Variants in CDKN2B observed in about 807,000 individuals in gnomAD.
CDKN2B encodes the protein cyclin-dependent kinase 4 inhibitor B.
A neutral mutation model predicts 7.7 loss-of-function variants in CDKN2B; 8 were observed. The ratio of observed to expected loss-of-function variants is 1.04; its 90% CI spans 0.61 to 1.87. The LOEUF is 1.87. CDKN2B is among the 40% of genes most tolerant of loss of function. CDKN2B has a pLI of 0.00. For missense variants in CDKN2B, 244 were observed against 213.1 expected, an observed-to-expected ratio of 1.15 and a Z score of -0.90; for synonymous variants, 93 against 95.8, an observed-to-expected ratio of 0.97 and a Z score of 0.17.
intron 1 of CDKN2B, among the ~76,000 whole-genome samples, chr9:22,007,294 G>C (rs1244368715): frequency 6.6e-6 from 1 of 152,168 alleles, no homozygotes; most frequent in African/African-American, 2.4e-5. Context: ...TCCTGGAAGA[G>C]GTTGCAGTGA....
In CDKN2B at chr9:22,009,045, C is replaced by T; in HGVS notation, c.-92G>A. On this transcript the variant is annotated 5_prime_UTR_variant, in exon 1 of 2. Coordinates refer to ENST00000276925, the MANE Select transcript of CDKN2B (RefSeq NM_004936.4). Reference sequence around the variant, plus strand: ...TCCCTTCTTTCCCACGCTGCTCCGGCGCACTCTCTCCTTCCTAGGAGACCT... The same window carrying T: ...TCCCTTCTTTCCCACGCTGCTCCGGTGCACTCTCTCCTTCCTAGGAGACCT... 1.3e-6 allele frequency: 2 copies of T among 1,573,474 alleles called. No homozygotes were observed. The highest frequency in any genetic ancestry group is 1.7e-6 in the Non-Finnish European group (2 of 1,145,820).
rs1476065439 is a variant in CDKN2B at position 22,003,153 on chromosome 9, A to G, written c.*2834T>C. On this transcript the variant is annotated 3_prime_UTR_variant, in exon 2 of 2. Coordinates refer to ENST00000276925, the MANE Select transcript of CDKN2B (RefSeq NM_004936.4). ...GTATATATTAGGCTGCTGATGAAAC[A>G]GCTAAACCTGTCTGCCAGGTGGCTT... The G allele has an allele frequency of 1.4e-5, 3 of 217,476 alleles. No homozygotes were observed. Among genetic ancestry groups the G allele is most frequent in the Admixed American group, 5.8e-5 (1 of 17,254 alleles). The allele number at this position is 217,476 out of a possible 1,614,324, so 13.5% of individuals were successfully genotyped here.
chr9:22,004,322 C>T lies in CDKN2B; in HGVS notation c.*1665G>A, dbSNP rs1043819345. 1 of 232,026 alleles carries T rather than the reference C, an allele frequency of 4.3e-6. No individual in the cohort carries two copies. The highest frequency in any genetic ancestry group is 8.5e-6 in the Non-Finnish European group (1 of 117,442). 14.4% of individuals were successfully genotyped at this position (232,026 alleles called of 1,614,324 possible). A position where few individuals can be genotyped will look rare whatever the true frequency, so the allele number is the denominator to read the frequency against. On this transcript the variant is annotated 3_prime_UTR_variant, in exon 2 of 2. Coordinates refer to ENST00000276925, the MANE Select transcript of CDKN2B (RefSeq NM_004936.4). ...ACTCTCAAATGACTTGTTTCTGTTCCTTTTTTCTCTTTTAAATGTGTATCT... is the reference window on the plus strand; with the variant it reads ...ACTCTCAAATGACTTGTTTCTGTTCTTTTTTTCTCTTTTAAATGTGTATCT...
At position 22,008,813 on chromosome 9, in the gene CDKN2B, C is replaced by A; in HGVS notation, c.141G>T (p.Gly47=). ...GADPNGVNRF[G]RRAIQVMMMG... is the part of the protein sequence containing the mutation. ...CCCCAGCTACCTGGATCGCGCGCCTCCCGAAACGGTTGACTCCGTTGGGAT... is the reference window on the plus strand; with the variant it reads ...CCCCAGCTACCTGGATCGCGCGCCTACCGAAACGGTTGACTCCGTTGGGAT... The change falls in exon 1 of 2, where the codon GGG becomes GGT. Residue 47 remains glycine (G), a synonymous_variant. Transcript: ENST00000276925. 1 of 1,606,016 alleles carries A rather than the reference C, an allele frequency of 6.2e-7. No individual in the cohort carries two copies. The highest frequency in any genetic ancestry group is 8.5e-7 in the Non-Finnish European group (1 of 1,176,222).
At position 22,009,200 on chromosome 9, in the gene CDKN2B, T is replaced by TG; in HGVS notation, c.-248dup. On this transcript the variant is annotated 5_prime_UTR_variant, in exon 1 of 2. Transcript: ENST00000276925. ...CCAGCGGGCGCGCCTGGATTGCTTC[T>TG]GGGAAAAAGCGCCTAGCGCGGACGC... is the stretch of plus-strand genomic sequence containing the variant. The TG allele has an allele frequency of 1.6e-6, 1 of 616,972 alleles. No individual in the cohort carries two copies. Among genetic ancestry groups the TG allele is most frequent in the Non-Finnish European group, 2.9e-6 (1 of 350,566 alleles). 38.2% of individuals were successfully genotyped at this position (616,972 alleles called of 1,614,324 possible).
Position 22,006,263 on chromosome 9 carries a change from G to C in CDKN2B, c.157-16C>G. On this transcript the variant is annotated splice_polypyrimidine_tract_variant and intron_variant, in intron 1 of 1. Coordinates refer to ENST00000276925, the MANE Select transcript of CDKN2B (RefSeq NM_004936.4). This position sits in a 1 kb window ranked among gnomAD's most constrained non-coding sequence, Gnocchi z 6.4. ...TCATCATGACCTGCCAGAGAGAGCA[G>C]AGTGGTCAGAGCCAGGGTGGGGGCA... 1 of 1,602,054 alleles carries C rather than the reference G, an allele frequency of 6.2e-7. No individual in the cohort carries two copies. The highest frequency in any genetic ancestry group is 8.5e-7 in the Non-Finnish European group (1 of 1,179,862).
At position 22,005,955 on chromosome 9, in the gene CDKN2B, A is replaced by G. The variant is rs1374419816; in HGVS notation, c.*32T>C. ...GGGGTGGGAAATTGGGTAAGAAAATAAAGTCGTTGTGGGCGGCTGGGGAAC... is the reference window on the plus strand; with the variant it reads ...GGGGTGGGAAATTGGGTAAGAAAATGAAGTCGTTGTGGGCGGCTGGGGAAC... On this transcript the variant is annotated 3_prime_UTR_variant, in exon 2 of 2. Coordinates refer to ENST00000276925, the MANE Select transcript of CDKN2B (RefSeq NM_004936.4). The surrounding 1 kb of genome is among the most constrained non-coding windows in gnomAD (Gnocchi z 4.9). 1.9e-6 allele frequency: 3 copies of G among 1,598,216 alleles called. No homozygotes were observed. Among genetic ancestry groups the G allele is most frequent in the Admixed American group, 1.7e-5 (1 of 59,874 alleles).
rs2069426 is a variant in CDKN2B, at chr9:22,006,274, G to A, written c.157-27C>T. 6.2e-7 allele frequency: 1 copy of A among 1,600,652 alleles called. No individual in the cohort carries two copies. Among genetic ancestry groups the A allele is most frequent in the East Asian group, 2.2e-5 (1 of 44,876 alleles). ...TGCCAGAGAGAGCAGAGTGGTCAGA[G>A]CCAGGGTGGGGGCAGGTATGGGAGA... On this transcript the variant is annotated intron_variant, in intron 1 of 1. Coordinates refer to ENST00000276925, the MANE Select transcript of CDKN2B (RefSeq NM_004936.4). The surrounding 1 kb of genome is among the most constrained non-coding windows in gnomAD (Gnocchi z 6.4).
chr9:22,003,287 T>A lies in CDKN2B; in HGVS notation c.*2700A>T, dbSNP rs1821002901. On this transcript the variant is annotated 3_prime_UTR_variant, in exon 2 of 2. Transcript: ENST00000276925. ...GAGGTTTGCTTTAAATAAAAAAAACTAACAAAACAAACAAAAAAAACAGTG... is the reference window on the plus strand; with the variant it reads ...GAGGTTTGCTTTAAATAAAAAAAACAAACAAAACAAACAAAAAAAACAGTG... 1 of 204,590 alleles carries A rather than the reference T, an allele frequency of 4.9e-6. No individual in the cohort carries two copies. The highest frequency in any genetic ancestry group is 2.3e-5 in the African/African-American group (1 of 43,798). 12.7% of individuals were successfully genotyped at this position (204,590 alleles called of 1,614,324 possible).
chr9:22,008,923 C>T lies in CDKN2B; in HGVS notation c.31G>A (p.Gly11Arg). 1.2e-6 allele frequency: 2 copies of T among 1,612,980 alleles called. No homozygotes were observed. The highest frequency in any genetic ancestry group is 1.3e-5 in the African/African-American group (1 of 75,068). ...GCCAGACCCTCATCGCTGCCGCCCC[C>T]ACTGGGCATGCCCTTGTTCTCCTCG... MREENKGMPS[G>R]GGSDEGLASA... The change falls in exon 1 of 2, where the codon GGG becomes AGG. Residue 11 changes from glycine to arginine, a missense_variant. Physicochemically the swap from Gly to Arg is moderately radical, Grantham distance 125. Transcript: ENST00000276925.
At chr9:22,008,678 C>G in intron 1 of CDKN2B, 120 bp downstream of exon 1, 1 of 1,608,848 alleles carries the variant, frequency 6.2e-7, no homozygotes, top group South Asian at 1.1e-5. Flanking sequence ...TGCACACCTC[C>G]GGCCAACGGA....
intron 1 of CDKN2B, among the ~76,000 whole-genome samples, chr9:22,007,337 C>G (rs148289919): frequency 5.5e-4 from 83 of 149,864 alleles, no homozygotes; most frequent in Non-Finnish European, 1.1e-3. Flanking sequence ...CCAGCCTGTC[C>G]GACAGAGTGA....
In CDKN2B at chr9:22,003,168, C is replaced by G. The variant is rs1430996650; in HGVS notation, c.*2819G>C. The G allele has an allele frequency of 9.2e-6, 2 of 216,678 alleles. No individual in the cohort carries two copies. Among genetic ancestry groups the G allele is most frequent in the African/African-American group, 4.5e-5 (2 of 44,450 alleles). The allele number at this position is 216,678 out of a possible 1,614,324, so 13.4% of individuals were successfully genotyped here. On this transcript the variant is annotated 3_prime_UTR_variant, in exon 2 of 2. Transcript: ENST00000276925. ...CTGATGAAACAGCTAAACCTGTCTG[C>G]CAGGTGGCTTCGAAAATGGAATTAA...
In CDKN2B at chr9:22,003,309, A is replaced by C; in HGVS notation, c.*2678T>G. On this transcript the variant is annotated 3_prime_UTR_variant, in exon 2 of 2. Transcript: ENST00000276925. ...AACTAACAAAACAAACAAAAAAAACAGTGTAATATAGTACTGTGGGATCCA... is the reference window on the plus strand; with the variant it reads ...AACTAACAAAACAAACAAAAAAAACCGTGTAATATAGTACTGTGGGATCCA... The C allele has an allele frequency of 4.5e-6, 1 of 220,364 alleles. No individual in the cohort carries two copies. Among genetic ancestry groups the C allele is most frequent in the Non-Finnish European group, 9.1e-6 (1 of 110,370 alleles). The allele number at this position is 220,364 out of a possible 1,614,324, so 13.7% of individuals were successfully genotyped here.
Position 22,006,134 on chromosome 9 carries a change from C to G in CDKN2B, c.270G>C (p.Glu90Asp). The change falls in exon 2 of 2, where the codon GAG becomes GAC. Residue 90 changes from glutamate to aspartate, a missense_variant. Glu to Asp is a conservative substitution (Grantham distance 45). Coordinates refer to ENST00000276925, the MANE Select transcript of CDKN2B (RefSeq NM_004936.4). The surrounding 1 kb of genome is among the most constrained non-coding windows in gnomAD (Gnocchi z 6.4). ...LTRPVHDAAR[E>D]GFLDTLVVLH... ...GCACCACCAGCGTGTCCAGGAAGCC[C>G]TCCCGGGCAGCATCATGCACCGGTC... 1 of 1,611,524 alleles carries G rather than the reference C, an allele frequency of 6.2e-7. No individual in the cohort carries two copies. The highest frequency in any genetic ancestry group is 2.2e-5 in the East Asian group (1 of 44,870).
Position 22,004,933 on chromosome 9 carries a change from G to T in CDKN2B, c.*1054C>A, listed in dbSNP as rs1288188433. 20 of 233,174 alleles carry T rather than the reference G, an allele frequency of 8.6e-5. No individual in the cohort carries two copies. In the East Asian group the frequency reaches 1.2e-3, roughly 14 times the overall value. 14.4% of individuals were successfully genotyped at this position (233,174 alleles called of 1,614,324 possible). Reference sequence around the variant, plus strand: ...CAATCTAGGCGTTTGCACTGAGTTTGCAACAGTGCCATTGCTACATTTAAG... The same window carrying T: ...CAATCTAGGCGTTTGCACTGAGTTTTCAACAGTGCCATTGCTACATTTAAG... On this transcript the variant is annotated 3_prime_UTR_variant, in exon 2 of 2. Transcript: ENST00000276925.
In CDKN2B at chr9:22,005,982, T is replaced by C. The variant is rs764571136; in HGVS notation, c.*5A>G. On this transcript the variant is annotated 3_prime_UTR_variant, in exon 2 of 2. Coordinates refer to ENST00000276925, the MANE Select transcript of CDKN2B (RefSeq NM_004936.4). The surrounding 1 kb of genome is among the most constrained non-coding windows in gnomAD (Gnocchi z 4.9). Reference sequence around the variant, plus strand: ...AGTCGTTGTGGGCGGCTGGGGAACCTGGCGTCAGTCCCCCGTGGCTGTGCG... The same window carrying C: ...AGTCGTTGTGGGCGGCTGGGGAACCCGGCGTCAGTCCCCCGTGGCTGTGCG... 1 of 1,601,154 alleles carries C rather than the reference T, an allele frequency of 6.2e-7. No individual in the cohort carries two copies. The highest frequency in any genetic ancestry group is 1.3e-5 in the African/African-American group (1 of 74,912).
rs990475994 is a variant in CDKN2B, at chr9:22,004,015, A to G, written c.*1972T>C. Reference sequence around the variant, plus strand: ...ACTTCTTTGTGCATCCATGGAATGAATATCTTGTAACCTTTGGCAAGTTAC... The same window carrying G: ...ACTTCTTTGTGCATCCATGGAATGAGTATCTTGTAACCTTTGGCAAGTTAC... On this transcript the variant is annotated 3_prime_UTR_variant, in exon 2 of 2. Coordinates refer to ENST00000276925, the MANE Select transcript of CDKN2B (RefSeq NM_004936.4). 4 of 232,524 alleles carry G rather than the reference A, an allele frequency of 1.7e-5. No homozygotes were observed. The highest frequency in any genetic ancestry group is 1.7e-4 in the Admixed American group (3 of 17,774). 14.4% of individuals were successfully genotyped at this position (232,524 alleles called of 1,614,324 possible).
At position 22,006,322 on chromosome 9, in the gene CDKN2B, G is replaced by T; in HGVS notation, c.157-75C>A. On this transcript the variant is annotated intron_variant, in intron 1 of 1. Coordinates refer to ENST00000276925, the MANE Select transcript of CDKN2B (RefSeq NM_004936.4). The surrounding 1 kb of genome is among the most constrained non-coding windows in gnomAD (Gnocchi z 6.4). ...AGATGCCGGCCGGGGCAAGGCAGGTGGAGCCATTTAAAGAAACACCTAATT... is the reference window on the plus strand; with the variant it reads ...AGATGCCGGCCGGGGCAAGGCAGGTTGAGCCATTTAAAGAAACACCTAATT... 3 of 1,584,760 alleles carry T rather than the reference G, an allele frequency of 1.9e-6. No individual in the cohort carries two copies. Among genetic ancestry groups the T allele is most frequent in the Non-Finnish European group, 2.6e-6 (3 of 1,171,386 alleles).
Sources: gnomAD v4.1 joint callset for allele counts (sites outside exome capture counted in the v4.1 genomes callset) on GRCh38, gnomAD v4.1.1 for gene constraint, Gnocchi (gnomAD v3.1) non-coding constraint, MANE v1.5 for transcripts, NCBI Gene and HGNC (gene_info 2026-07-23, HGNC 2026-07-21) for gene names.